Variants in NECAB2 observed in about 807,000 individuals in gnomAD.
NECAB2 encodes N-terminal EF-hand calcium binding protein 2, also known as N-terminal EF-hand calcium-binding protein 2.
NECAB2 carries 68 observed loss-of-function variants against 51.9 expected under a neutral mutation model. The observed-to-expected ratio is 1.31, with a 90% CI of 1.08 to 1.60. NECAB2 has a LOEUF of 1.60. Ranked by LOEUF, NECAB2 falls within the 40% of genes most tolerant of loss-of-function variation. The probability of loss-of-function intolerance (pLI) is 0.00; values close to 1 mark genes in which losing one functional copy is unlikely to be tolerated. For synonymous variants in NECAB2, 329 were observed against 203.5 expected (o/e 1.62, Z -5.25); for missense variants, 854 against 490.3 (o/e 1.74, Z -7.00).
At chr16:83,965,825 C>A, upstream of NECAB2, 1 of 1,613,064 alleles carries the variant, frequency 6.2e-7, no homozygotes, top group Non-Finnish European at 8.5e-7. Context: ...GGATCCTGAC[C>A]AGCCGCTGAG....
chr16:83,990,541 C>T lies in NECAB2; in HGVS notation c.507C>T (p.Leu169=). Residue 169 remains leucine, a synonymous_variant, in exon 6 of 13, where the codon CTC becomes CTT. Transcript: ENST00000305202. ...TGGACCAGTTTGTGACCCGCTTCCT[C>T]CTGAAGGAGACGGCCAATCAGATCC... is the stretch of plus-strand genomic sequence containing the variant. ...SNVDQFVTRF[L]LKETANQIQS... 5 of 1,614,170 alleles carry T rather than the reference C, an allele frequency of 3.1e-6. No individual in the cohort carries two copies. Among genetic ancestry groups the T allele is most frequent in the Middle Eastern group, 1.6e-4 (1 of 6,062 alleles).
At chr16:83,999,652 G>A (rs973675938) in intron 10 of NECAB2, among the ~76,000 whole-genome samples, 3 of 152,072 alleles carry the variant, frequency 2.0e-5, no homozygotes, top group Non-Finnish European at 4.4e-5. Flanking sequence ...GAGGATTCTG[G>A]GGCGGCATAG....
intron 2 of NECAB2, 112 bp from the exon 3 acceptor site, chr16:83,978,332 C>A: frequency 1.3e-6 from 1 of 765,082 alleles, no homozygotes; most frequent in Non-Finnish European, 2.2e-6. Flanking sequence ...ATCTGAGCTG[C>A]AGTTGTTCTG....
At chr16:83,974,001 C>T (rs1422293713) in intron 2 of NECAB2, among the ~76,000 whole-genome samples, 1 of 151,806 alleles carries the variant, frequency 6.6e-6, no homozygotes, top group Non-Finnish European at 1.5e-5. Flanking sequence ...GGGTTCTGTC[C>T]TTGCTGCAGG....
At chr16:83,978,195 C>CT (rs1337109493) in intron 2 of NECAB2, among the ~76,000 whole-genome samples, 2 of 152,168 alleles carry the variant, frequency 1.3e-5, no homozygotes, top group African/African-American at 4.8e-5. Flanking sequence ...TGGGAATTAG[C>CT]TGGATGAGGC....
In NECAB2 at chr16:84,002,198, C is replaced by T. The variant is rs932375844; in HGVS notation, c.1133-120C>T. On this transcript the variant is annotated intron_variant, in intron 12 of 12. Coordinates refer to ENST00000305202, the MANE Select transcript of NECAB2 (RefSeq NM_019065.3). Reference sequence around the variant, plus strand: ...TTTGCACCTGGGTGACCAGCAAGGACCTGTGTGTCACACAAGGACTCAAAG... The same window carrying T: ...TTTGCACCTGGGTGACCAGCAAGGATCTGTGTGTCACACAAGGACTCAAAG... 10 of 1,297,780 alleles carry T rather than the reference C, an allele frequency of 7.7e-6. No homozygotes were observed. The African/African-American group carries it at 1.5e-4, about 19-fold the overall frequency. The allele number at this position is 1,297,780 out of a possible 1,614,324, so 80.4% of individuals were successfully genotyped here. A position where few individuals can be genotyped will look rare whatever the true frequency, so the allele number is the denominator to read the frequency against.
At chr16:83,977,390 A>T (rs772531098) in intron 2 of NECAB2, among the ~76,000 whole-genome samples, 1 of 152,110 alleles carries the variant, frequency 6.6e-6, no homozygotes, top group Non-Finnish European at 1.5e-5. Context: ...CTGAGGGTGG[A>T]AGCTTAGGGA....
In NECAB2 at chr16:84,000,865, G is replaced by C. The variant is rs112951652; in HGVS notation, c.1040+64G>C. The C allele has an allele frequency of 1.1e-4, 164 of 1,527,042 alleles. 1 individual carries two copies. The African/African-American group carries it at 1.9e-3, about 17-fold the overall frequency. 94.6% of individuals were successfully genotyped at this position (1,527,042 alleles called of 1,614,324 possible). On this transcript the variant is annotated intron_variant, in intron 11 of 12. Coordinates refer to ENST00000305202, the MANE Select transcript of NECAB2 (RefSeq NM_019065.3). ...AGGGAAGTGGGGGGGCTGTCTTCCT[G>C]GAGCCAGGCATCCTTGGAGGGGAGG...
chr16:83,966,792 C>T (rs1188462153), upstream of NECAB2, among the ~76,000 whole-genome samples: 1 of 152,250 alleles, frequency 6.6e-6, no homozygotes, highest in Non-Finnish European at 1.5e-5. Context: ...CTCTAGGAAG[C>T]CTCTTCTGAC....
At chr16:83,988,489 T>G (rs1208665072) in intron 5 of NECAB2, among the ~76,000 whole-genome samples, 2 of 152,248 alleles carry the variant, frequency 1.3e-5, no homozygotes, top group Admixed American at 1.3e-4. Flanking sequence ...CTTTATTGAC[T>G]AAATCCAATA....
intron 6 of NECAB2, chr16:83,993,585 G>C (rs572958678): frequency 1.3e-5 from 2 of 154,056 alleles, no homozygotes; most frequent in East Asian, 3.9e-4. Context: ...GCATTTTTGA[G>C]TCCCTACTAT....
intron 9 of NECAB2, 48 bp downstream of exon 9, chr16:83,997,317 C>A: frequency 6.2e-7 from 1 of 1,610,560 alleles, no homozygotes; most frequent in Non-Finnish European, 8.5e-7. Flanking sequence ...CCTACCCATG[C>A]CAGGACTGCC....
intron 2 of NECAB2, 87 bp from the exon 3 acceptor site, chr16:83,978,357 G>T: frequency 1.0e-6 from 1 of 1,004,894 alleles, no homozygotes. Context: ...TCAGGCCATT[G>T]ACTGGATTTG....
rs775513311 is a variant in NECAB2 at position 83,998,188 on chromosome 16, C to G, written c.850-17C>G. ...CCTGACGTGGAGCCCCACACTGACTCCTGCTGTGCCCGGCAGCACCTGCAG... is the reference window on the plus strand; with the variant it reads ...CCTGACGTGGAGCCCCACACTGACTGCTGCTGTGCCCGGCAGCACCTGCAG... On this transcript the variant is annotated splice_polypyrimidine_tract_variant and intron_variant, in intron 9 of 12. Transcript: ENST00000305202. The G allele has an allele frequency of 6.2e-7, 1 of 1,604,758 alleles. No homozygotes were observed.
intron 2 of NECAB2, 86 bp downstream of exon 2, chr16:83,972,261 G>T: frequency 1.3e-6 from 2 of 1,590,582 alleles, no homozygotes; most frequent in African/African-American, 2.7e-5. Context: ...GGAGACAAGC[G>T]CAACCTTGAA....
chr16:83,978,889 C>G (rs556500171), intron 3 of NECAB2, among the ~76,000 whole-genome samples: 39 of 152,258 alleles, frequency 2.6e-4, no homozygotes, highest in African/African-American at 9.1e-4. Flanking sequence ...AGTTCTCACC[C>G]CAACCCCAAT....
intron 5 of NECAB2, among the ~76,000 whole-genome samples, chr16:83,987,921 G>C (rs1297415011): frequency 3.3e-5 from 5 of 152,210 alleles, no homozygotes; most frequent in African/African-American, 7.2e-5. Context: ...TTCTGTGTCA[G>C]TACATGAAGA....
upstream of NECAB2, chr16:83,966,253 CCAG>C (rs2084279034): frequency 1.1e-5 from 6 of 536,662 alleles, no homozygotes; most frequent in African/African-American, 9.5e-5. Context: ...GCTGGTGTGA[CCAG>C]CTGAGCACCC....
chr16:83,983,515 C>G (rs1249719586), intron 5 of NECAB2, among the ~76,000 whole-genome samples: 1 of 152,148 alleles, frequency 6.6e-6, no homozygotes, highest in African/African-American at 2.4e-5. Flanking sequence ...TTTGCATTCC[C>G]TTTTTTCCAT....
Sources: gnomAD v4.1 joint callset for allele counts (sites outside exome capture counted in the v4.1 genomes callset) on GRCh38, gnomAD v4.1.1 for gene constraint, MANE v1.5 for transcripts, NCBI Gene and HGNC (gene_info 2026-07-23, HGNC 2026-07-21) for gene names.